Variants in ITSN1 observed in about 807,000 individuals in gnomAD.
The protein encoded by ITSN1 is intersectin 1.
A neutral mutation model predicts 239.8 loss-of-function variants in ITSN1; 58 were observed. The observed-to-expected ratio is 0.24, with a 90% CI of 0.20 to 0.30. ITSN1 has a LOEUF of 0.30. Among genes scored for constraint, ITSN1 ranks in the 10% least tolerant of loss-of-function variants. The pLI, the probability that ITSN1 is intolerant of heterozygous loss-of-function variation, is 1.00. For missense variants in ITSN1, 1,558 were observed against 2,103.3 expected, an observed-to-expected ratio of 0.74 and a Z score of 5.07; for synonymous variants, 780 against 770.8, an observed-to-expected ratio of 1.01 and a Z score of -0.20.
In ITSN1 at chr21:33,865,797, A is replaced by T. The variant is rs1248692270; in HGVS notation, c.4074+463A>T. ...TCTGCTTGATGTGCTCCCGCCTTAG[A>T]CAGCCTGTGGGAGTCAGTGTGGGAT... On this transcript the variant is annotated intron_variant, in intron 32 of 39. Coordinates refer to ENST00000381318, the MANE Select transcript of ITSN1 (RefSeq NM_003024.3). This position sits in a 1 kb window ranked among gnomAD's most constrained non-coding sequence, Gnocchi z 4.4. Among the ~76,000 whole-genome samples the T allele has an allele frequency of 6.6e-6, 1 of 151,976 alleles. No individual in the cohort carries two copies. The highest frequency in any genetic ancestry group is 2.4e-5 in the African/African-American group (1 of 41,376).
At chr21:33,788,955 T>C (rs1357786216) in intron 16 of ITSN1, among the ~76,000 whole-genome samples, 1 of 152,152 alleles carries the variant, frequency 6.6e-6, no homozygotes, top group Non-Finnish European at 1.5e-5. Context: ...AATAAATAAA[T>C]TTTTTAAATG....
chr21:33,748,417 T>A (rs369315801), intron 5 of ITSN1, among the ~76,000 whole-genome samples: 1 of 151,952 alleles, frequency 6.6e-6, no homozygotes, highest in Non-Finnish European at 1.5e-5. Context: ...TGACTGTACT[T>A]CAGCCTGGGT....
At chr21:33,664,134 CTGGGTAATTTATAAAGAA>C (rs2089763017) in intron 1 of ITSN1, among the ~76,000 whole-genome samples, 1 of 152,142 alleles carries the variant, frequency 6.6e-6, no homozygotes, top group South Asian at 2.1e-4. Context: ...ATATCTGAGG[CTGGGTAATTTATAAAGAA>C]AAAGGTTTAT....
rs559532429 is a variant in ITSN1 at position 33,806,001 on chromosome 21, A to C, written c.2319+3557A>C. 1.7e-4 allele frequency among the ~76,000 whole-genome samples: 24 copies of C among 141,232 alleles called. No individual in the cohort carries two copies. The East Asian group carries it at 5.3e-3, about 31-fold the overall frequency. 92.7% of individuals were successfully genotyped at this position (141,232 alleles called of 152,430 possible). A position where few individuals can be genotyped will look rare whatever the true frequency, so the allele number is the denominator to read the frequency against. Reference sequence around the variant, plus strand: ...GGCGGATCACAAGGTCAGGAGATTGAGACCATCCTGGCTAACACGGTGAAA... The same window carrying C: ...GGCGGATCACAAGGTCAGGAGATTGCGACCATCCTGGCTAACACGGTGAAA... On this transcript the variant is annotated intron_variant, in intron 20 of 39. Coordinates refer to ENST00000381318, the MANE Select transcript of ITSN1 (RefSeq NM_003024.3).
rs2248815 is a variant in ITSN1 at position 33,766,022 on chromosome 21, A to G, written c.926+10A>G. On this transcript the variant is annotated intron_variant, in intron 10 of 39. Coordinates refer to ENST00000381318, the MANE Select transcript of ITSN1 (RefSeq NM_003024.3). ...TTCCACCTTCTTTTAGGTAAGGAAC[A>G]TGGGCTCTGATCAGGAATTGTATGC... 274,158 of 1,613,334 alleles carry G rather than the reference A, an allele frequency of 0.17. 23,952 individuals are homozygous for G. The highest frequency in any genetic ancestry group is 0.2 in the Admixed American group (11,897 of 60,000).
rs1371968545 is a variant in ITSN1 at position 33,875,537 on chromosome 21, G to A, written c.4341+16G>A. On this transcript the variant is annotated intron_variant, in intron 34 of 39. Transcript: ENST00000381318. ...CCTGTCTGAGGTAGCCAACCTTGGG[G>A]CTGGGCCCTGGTCTCCCCCGGCAGA... 6 of 1,610,358 alleles carry A rather than the reference G, an allele frequency of 3.7e-6. No individual in the cohort carries two copies. The highest frequency in any genetic ancestry group is 5.1e-6 in the Non-Finnish European group (6 of 1,177,352).
intron 1 of ITSN1, among the ~76,000 whole-genome samples, chr21:33,688,472 T>G (rs2091353608): frequency 1.3e-5 from 2 of 152,254 alleles, no homozygotes; most frequent in African/African-American, 4.8e-5. Context: ...ACTTAATTTA[T>G]TAATTCTAAA....
intron 3 of ITSN1, chr21:33,721,941 CTT>C (rs371292688): frequency 6.7e-6 from 1 of 149,648 alleles, no homozygotes; most frequent in Non-Finnish European, 1.5e-5. Context: ...GAATTTCGCT[CTT>C]GTTACCCAGG....
chr21:33,734,952 A>G lies in ITSN1; in HGVS notation c.186-92A>G, dbSNP rs947465075. 4 of 1,051,890 alleles carry G rather than the reference A, an allele frequency of 3.8e-6. No homozygotes were observed. In the African/African-American group the frequency reaches 4.8e-5, roughly 13 times the overall value. 65.2% of individuals were successfully genotyped at this position (1,051,890 alleles called of 1,614,324 possible). On this transcript the variant is annotated intron_variant, in intron 4 of 39. Coordinates refer to ENST00000381318, the MANE Select transcript of ITSN1 (RefSeq NM_003024.3). The stretch of plus-strand genomic sequence containing the variant: ...TGTTGTCTCTAGGGGTAAGAGTGCT[A>G]ATTATTTTGTTTTCGTGTTGGTGGG...
At chr21:33,739,364 C>T (rs781431172) in intron 5 of ITSN1, among the ~76,000 whole-genome samples, 4 of 152,008 alleles carry the variant, frequency 2.6e-5, no homozygotes, top group Non-Finnish European at 5.9e-5. Flanking sequence ...TTTTCTTTTG[C>T]TTGGTTTTTG....
intron 29 of ITSN1, among the ~76,000 whole-genome samples, chr21:33,844,544 G>A (rs191322929): frequency 2.0e-4 from 30 of 152,322 alleles, no homozygotes; most frequent in Admixed American, 6.5e-4. Context: ...ATCCAGCTTA[G>A]ATAAGGGGCG....
At chr21:33,837,685 C>T in intron 29 of ITSN1, 2 of 985,828 alleles carry the variant, frequency 2.0e-6, no homozygotes, top group Non-Finnish European at 1.2e-6. Flanking sequence ...TAGTTCTTTC[C>T]ATGGCAAAGC....
intron 17 of ITSN1, among the ~76,000 whole-genome samples, chr21:33,796,442 A>G (rs536083703): frequency 1.3e-5 from 2 of 152,350 alleles, no homozygotes; most frequent in East Asian, 3.9e-4. Flanking sequence ...GTAGAAATAA[A>G]TGTAATTTTT....
chr21:33,675,323 G>T (rs2090525487), intron 1 of ITSN1, among the ~76,000 whole-genome samples: 1 of 152,088 alleles, frequency 6.6e-6, no homozygotes. Flanking sequence ...CAGCACTTTG[G>T]GAGGCTGAGA....
At chr21:33,861,033 C>T (rs1242293814) in intron 31 of ITSN1, among the ~76,000 whole-genome samples, 1 of 152,206 alleles carries the variant, frequency 6.6e-6, no homozygotes, top group Non-Finnish European at 1.5e-5. Flanking sequence ...GACTAACTGG[C>T]TCATGTCTTC....
intron 5 of ITSN1, among the ~76,000 whole-genome samples, chr21:33,741,688 C>T (rs1412956020): frequency 2.6e-5 from 4 of 151,776 alleles, no homozygotes; most frequent in African/African-American, 7.3e-5. Context: ...GTCAGGAGAT[C>T]GAGACCATCC....
chr21:33,762,883 C>T (rs901683326), intron 9 of ITSN1, among the ~76,000 whole-genome samples: 10 of 151,840 alleles, frequency 6.6e-5, no homozygotes, highest in East Asian at 3.9e-4. Flanking sequence ...AGGCTGGTCT[C>T]GAGCTCCTGA....
intron 14 of ITSN1, among the ~76,000 whole-genome samples, chr21:33,778,435 T>C (rs1267830390): frequency 6.6e-6 from 1 of 152,124 alleles, no homozygotes; most frequent in Non-Finnish European, 1.5e-5. Flanking sequence ...GACTTAATTA[T>C]AAAATTCATT....
intron 31 of ITSN1, among the ~76,000 whole-genome samples, chr21:33,861,945 C>CA (rs1383340948): frequency 9.8e-5 from 6 of 61,156 alleles, no homozygotes; most frequent in Non-Finnish European, 1.5e-4. Context: ...GACTCCGTCT[C>CA]AAAAAATAAA....
Sources: allele counts gnomAD v4.1 joint callset (sites outside exome capture counted in the v4.1 genomes callset), GRCh38; gene constraint gnomAD v4.1.1; non-coding constraint Gnocchi (gnomAD v3.1); transcripts MANE v1.5; gene names NCBI Gene and HGNC (gene_info 2026-07-23, HGNC 2026-07-21).